RASSF3: variants seen among roughly 807,000 people sequenced by gnomAD.
RASSF3 encodes Ras association domain family member 3.
In RASSF3, 19 loss-of-function variants were observed where a neutral mutation model predicts 19.9. The ratio of observed to expected loss-of-function variants is 0.96; its 90% CI spans 0.67 to 1.40. The LOEUF is 1.40. RASSF3 is among the 40% of genes most tolerant of loss of function. The probability of loss-of-function intolerance (pLI) is 0.00; values close to 1 mark genes in which losing one functional copy is unlikely to be tolerated. For synonymous variants in RASSF3, 110 were observed against 104.2 expected (o/e 1.06, Z -0.34); for missense variants, 306 against 289.8 (o/e 1.06, Z -0.41).
intron 1 of RASSF3, among the ~76,000 whole-genome samples, chr12:64,616,334 G>A (rs569602254): frequency 1.3e-5 from 2 of 152,262 alleles, no homozygotes; most frequent in South Asian, 2.1e-4. Flanking sequence ...CCAATAATGT[G>A]GTTATTCTTT....
At position 64,610,597 on chromosome 12, in the gene RASSF3, C is replaced by G. The variant is rs1462865981; in HGVS notation, c.-36C>G. On this transcript the variant is annotated 5_prime_UTR_variant, in exon 1 of 5. Coordinates refer to ENST00000542104, the MANE Select transcript of RASSF3 (RefSeq NM_178169.4). ...CACCCCCTCCCTGGCCGCCTGCGCC[C>G]CGGGGAGGCCGCCCGCGCGCGACGG... is the stretch of plus-strand genomic sequence containing the variant. The G allele has an allele frequency of 1.4e-6, 2 of 1,390,378 alleles. No homozygotes were observed. Among genetic ancestry groups the G allele is most frequent in the Non-Finnish European group, 1.9e-6 (2 of 1,044,902 alleles). 86.1% of individuals were successfully genotyped at this position (1,390,378 alleles called of 1,614,324 possible).
chr12:64,662,919 CAG>C (rs927688358), intron 1 of RASSF3, among the ~76,000 whole-genome samples: 3 of 152,178 alleles, frequency 2.0e-5, no homozygotes, highest in African/African-American at 7.2e-5. Flanking sequence ...TTAAGGGGCT[CAG>C]GGGGAGATGT....
intron 1 of RASSF3, among the ~76,000 whole-genome samples, chr12:64,519,646 A>G (rs1868427297): frequency 6.6e-6 from 1 of 152,142 alleles, no homozygotes; most frequent in Non-Finnish European, 1.5e-5. Context: ...ATATATATAC[A>G]TACATTCACT....
At chr12:64,593,124 A>G (rs1344449362) in intron 2 of RASSF3, among the ~76,000 whole-genome samples, 3 of 152,226 alleles carry the variant, frequency 2.0e-5, no homozygotes, top group Non-Finnish European at 4.4e-5. Flanking sequence ...TGCAAGAAGT[A>G]TATGTATATA....
intron 1 of RASSF3, among the ~76,000 whole-genome samples, chr12:64,514,397 G>A (rs1868348437): frequency 6.6e-6 from 1 of 151,994 alleles, no homozygotes; most frequent in African/African-American, 2.4e-5. Flanking sequence ...ATGTTGGCCA[G>A]GATGGTCCCG....
chr12:64,589,400 A>C (rs1869876439), intron 2 of RASSF3, among the ~76,000 whole-genome samples: 1 of 152,180 alleles, frequency 6.6e-6, no homozygotes, highest in Admixed American at 6.5e-5. Flanking sequence ...CAGTGAGCCA[A>C]GATTGTGCCA....
intron 2 of RASSF3, among the ~76,000 whole-genome samples, chr12:64,581,655 A>G (rs938042516): frequency 2.0e-5 from 3 of 152,114 alleles, no homozygotes; most frequent in African/African-American, 7.2e-5. Context: ...GGGAAAAAGT[A>G]GTGATGAAAA....
chr12:64,695,170 A>T lies in RASSF3; in HGVS notation c.*258A>T, dbSNP rs1868336919. 2.7e-6 allele frequency: 1 copy of T among 376,140 alleles called. No homozygotes were observed. The highest frequency in any genetic ancestry group is 3.9e-5 in the East Asian group (1 of 25,778). 23.3% of individuals were successfully genotyped at this position (376,140 alleles called of 1,614,324 possible). On this transcript the variant is annotated 3_prime_UTR_variant, in exon 5 of 5. Coordinates refer to ENST00000542104, the MANE Select transcript of RASSF3 (RefSeq NM_178169.4). ...GTGAACCTGTCGCCTCATCAGGAGC[A>T]TTCGAGGGTGCTTGGAAGCATGAAC...
intron 1 of RASSF3, among the ~76,000 whole-genome samples, chr12:64,675,026 T>G (rs2136210312): frequency 7.5e-6 from 1 of 134,004 alleles, no homozygotes; most frequent in South Asian, 2.7e-4. Context: ...TGTTAGAAGT[T>G]GTCTAAAATA....
chr12:64,562,607 C>T (rs1345077653), intron 2 of RASSF3, among the ~76,000 whole-genome samples: 1 of 138,952 alleles, frequency 7.2e-6, no homozygotes, highest in African/African-American at 2.5e-5. Flanking sequence ...CTCTATTCTC[C>T]TGGGTGTTTA....
downstream of RASSF3, among the ~76,000 whole-genome samples, chr12:64,544,664 T>A (rs528808117): frequency 3.3e-5 from 5 of 152,140 alleles, no homozygotes; most frequent in Non-Finnish European, 7.4e-5. Flanking sequence ...GCACTTGCAT[T>A]AAATTATCTG....
chr12:64,523,338 A>G (rs10878185), intron 1 of RASSF3, among the ~76,000 whole-genome samples: 75,807 of 151,902 alleles, frequency 0.5, 19,696 homozygotes, highest in East Asian at 0.73. Flanking sequence ...CCCGGGAGGT[A>G]GAGGTTGCAG....
intron 2 of RASSF3, among the ~76,000 whole-genome samples, chr12:64,559,056 T>G (rs887191715): frequency 6.6e-6 from 1 of 152,062 alleles, no homozygotes; most frequent in Non-Finnish European, 1.5e-5. Flanking sequence ...CTCCTGACAC[T>G]CTGGAGCCTC....
chr12:64,678,457 T>C (rs1353114630), intron 1 of RASSF3, among the ~76,000 whole-genome samples: 1 of 152,116 alleles, frequency 6.6e-6, no homozygotes, highest in Non-Finnish European at 1.5e-5. Flanking sequence ...AGAGCACCTG[T>C]GAGAGCTCTG....
At chr12:64,659,841 G>A (rs1228630965) in intron 1 of RASSF3, among the ~76,000 whole-genome samples, 6 of 151,918 alleles carry the variant, frequency 3.9e-5, no homozygotes, top group African/African-American at 1.5e-4. Context: ...CCAGCTAGTC[G>A]GGAGGCTGAG....
At chr12:64,659,500 T>C (rs1446030917) in intron 1 of RASSF3, among the ~76,000 whole-genome samples, 1 of 152,202 alleles carries the variant, frequency 6.6e-6, no homozygotes, top group Non-Finnish European at 1.5e-5. Flanking sequence ...TTTTGTGGAC[T>C]GCTTTATTTT....
chr12:64,633,789 C>T (rs1871241134), intron 1 of RASSF3, among the ~76,000 whole-genome samples: 1 of 152,102 alleles, frequency 6.6e-6, no homozygotes, highest in South Asian at 2.1e-4. Flanking sequence ...GACAGGAAGA[C>T]AAGGGAAAGT....
chr12:64,684,085 A>AT (rs1206268046), intron 1 of RASSF3, among the ~76,000 whole-genome samples: 3,979 of 127,274 alleles, frequency 0.031, 153 homozygotes, highest in African/African-American at 0.084. Context: ...TGTGGTTGTA[A>AT]TTTTTTTTTT....
chr12:64,617,101 A>G (rs2136158977), intron 1 of RASSF3, among the ~76,000 whole-genome samples: 1 of 152,308 alleles, frequency 6.6e-6, no homozygotes, highest in East Asian at 1.9e-4. Context: ...ATGTCCCAGT[A>G]TTTGGTACTG....
Sources: gnomAD v4.1 joint callset for allele counts (sites outside exome capture counted in the v4.1 genomes callset) on GRCh38, gnomAD v4.1.1 for gene constraint, MANE v1.5 for transcripts, NCBI Gene and HGNC (gene_info 2026-07-23, HGNC 2026-07-21) for gene names.